ZMYND8: variants seen among roughly 807,000 people sequenced by gnomAD.
ZMYND8 encodes zinc finger MYND-type containing 8, also known as MYND-type zinc finger-containing chromatin reader ZMYND8.
A neutral mutation model predicts 140.8 loss-of-function variants in ZMYND8; 37 were observed. The observed-to-expected ratio is 0.26, with a 90% CI of 0.20 to 0.35. The LOEUF (loss-of-function observed/expected upper bound fraction) is 0.35, where lower values mean the gene tolerates loss of function less well. Among genes scored for constraint, ZMYND8 ranks in the 10% least tolerant of loss-of-function variants. ZMYND8 has a pLI of 1.00. For synonymous variants in ZMYND8, 592 were observed against 597.1 expected, an observed-to-expected ratio of 0.99 and a Z score of 0.12; for missense variants, 1,068 against 1,570.0, an observed-to-expected ratio of 0.68 and a Z score of 5.40.
At chr20:47,300,081 G>GGA (rs545340128) in intron 3 of ZMYND8, among the ~76,000 whole-genome samples, 85 of 152,190 alleles carry the variant, frequency 5.6e-4, no homozygotes, top group Middle Eastern at 6.8e-3. Flanking sequence ...GGTATATTAT[G>GGA]GAATATTATG....
intron 5 of ZMYND8, 53 bp from the exon 6 acceptor site, chr20:47,291,941 C>T (rs924727922): frequency 6.7e-6 from 10 of 1,493,810 alleles, no homozygotes; most frequent in Non-Finnish European, 9.2e-6. Context: ...TATGGAAAAC[C>T]AAGCATTAAT....
rs139825749 is a variant in ZMYND8 at position 47,219,835 on chromosome 20, T to A, written c.3484+423A>T. On this transcript the variant is annotated intron_variant, in intron 21 of 22. Transcript: ENST00000471951. ...TCATCCACTTAAGCACTGCCTTCAATTCTCAAAGGCTTGAGCGCCTTCATC... is the reference window on the plus strand; with the variant it reads ...TCATCCACTTAAGCACTGCCTTCAAATCTCAAAGGCTTGAGCGCCTTCATC... Among the ~76,000 whole-genome samples the A allele has an allele frequency of 7.1e-3, 1,082 of 152,288 alleles. 6 individuals are homozygous for A. Among genetic ancestry groups the A allele is most frequent in the Non-Finnish European group, 0.011 (754 of 68,028 alleles).
chr20:47,262,513 G>A (rs1346206339), intron 11 of ZMYND8, 85 bp from the exon 12 acceptor site: 1 of 1,548,238 alleles, frequency 6.5e-7, no homozygotes, highest in Non-Finnish European at 8.8e-7. Context: ...AGAATGGAGA[G>A]ATTATGAAAT....
At chr20:47,337,940 G>C (rs1321548975) in intron 2 of ZMYND8, among the ~76,000 whole-genome samples, 3 of 152,078 alleles carry the variant, frequency 2.0e-5, no homozygotes, top group Non-Finnish European at 4.4e-5. Flanking sequence ...AATTCAGTTA[G>C]AGAAACTGAA....
chr20:47,351,407 C>G (rs2082769751), intron 1 of ZMYND8, among the ~76,000 whole-genome samples: 1 of 152,132 alleles, frequency 6.6e-6, no homozygotes, highest in Non-Finnish European at 1.5e-5. Flanking sequence ...TCTAAGCCAT[C>G]TAGAATATAT....
rs2081903481 is a variant in ZMYND8, at chr20:47,341,699, T to C, written c.85+6157A>G. ...GCCTGGCCAACATAGTGAAACCCCA[T>C]CTCTACTAAAAATACAAAACTTGGC... On this transcript the variant is annotated intron_variant, in intron 2 of 22. Coordinates refer to ENST00000471951, the MANE Select transcript of ZMYND8 (RefSeq NM_001281775.3). Among the ~76,000 whole-genome samples, 5 of 151,134 alleles carry C rather than the reference T, an allele frequency of 3.3e-5. No individual in the cohort carries two copies. The South Asian group carries it at 1.0e-3, about 32-fold the overall frequency.
rs751384951 is a variant in ZMYND8 at position 47,209,594 on chromosome 20, AAAC to A, written c.*1164_*1166del. On this transcript the variant is annotated 3_prime_UTR_variant, in exon 23 of 23. Transcript: ENST00000471951. The stretch of plus-strand genomic sequence containing the variant: ...ATCCTCTTAACAATGAAGAGAAAGT[AAAC>A]AAGACTAAAATGTACAACAAAACGT... 1.1e-4 allele frequency: 17 copies of A among 152,470 alleles called. No individual in the cohort carries two copies. Among genetic ancestry groups the A allele is most frequent in the Non-Finnish European group, 1.8e-4 (12 of 68,046 alleles). The allele number at this position is 152,470 out of a possible 1,614,324, so 9.4% of individuals were successfully genotyped here.
chr20:47,249,153 T>G (rs923396889), intron 13 of ZMYND8, 134 bp downstream of exon 13: 1 of 1,082,430 alleles, frequency 9.2e-7, no homozygotes. Flanking sequence ...ATATTTTAGC[T>G]GAGCAAATAG....
Position 47,246,189 on chromosome 20 carries a change from A to G in ZMYND8, c.2103T>C (p.Pro701=). 2 of 1,614,054 alleles carry G rather than the reference A, an allele frequency of 1.2e-6. No individual in the cohort carries two copies. Among genetic ancestry groups the G allele is most frequent in the Middle Eastern group, 1.7e-4 (1 of 6,060 alleles). ...PEKDFSEKAK[P]SPHPIKDKLK... is the part of the protein sequence containing the mutation. ...GTTTATCCTTTATGGGGTGAGGTGAAGGTTTTGCCTTTTCGGAAAAGTCCT... is the reference window on the plus strand; with the variant it reads ...GTTTATCCTTTATGGGGTGAGGTGAGGGTTTTGCCTTTTCGGAAAAGTCCT... The change falls in exon 14 of 23, where the codon CCT becomes CCC. Residue 701 remains proline (P), a synonymous_variant. Transcript: ENST00000471951.
At chr20:47,243,548 A>T (rs2040212705) in intron 14 of ZMYND8, among the ~76,000 whole-genome samples, 1 of 152,184 alleles carries the variant, frequency 6.6e-6, no homozygotes, top group African/African-American at 2.4e-5. Flanking sequence ...TGTGTTTCCC[A>T]TTCTGCTTTC....
At chr20:47,222,092 C>A (rs534674119) in intron 19 of ZMYND8, among the ~76,000 whole-genome samples, 2 of 152,318 alleles carry the variant, frequency 1.3e-5, no homozygotes, top group Admixed American at 1.3e-4. Flanking sequence ...TTTAGTTACT[C>A]TATTTAGTCA....
chr20:47,347,766 G>A lies in ZMYND8; in HGVS notation c.85+90C>T, dbSNP rs2082450575. ...AGAAGAGTTACAACGTCGGCTCAGAGAGCCACACACTTCACTGCACTACAA... is the reference window on the plus strand; with the variant it reads ...AGAAGAGTTACAACGTCGGCTCAGAAAGCCACACACTTCACTGCACTACAA... On this transcript the variant is annotated intron_variant, in intron 2 of 22. Transcript: ENST00000471951. The A allele has an allele frequency of 3.1e-6, 4 of 1,305,424 alleles. No homozygotes were observed. The South Asian group carries it at 3.7e-5, about 12-fold the overall frequency. 80.9% of individuals were successfully genotyped at this position (1,305,424 alleles called of 1,614,324 possible).
In ZMYND8 at chr20:47,235,541, C is replaced by T. The variant is rs189378972; in HGVS notation, c.2856+785G>A. Among the ~76,000 whole-genome samples the T allele has an allele frequency of 3.9e-3, 597 of 152,104 alleles. 3 individuals are homozygous for T. Among genetic ancestry groups the T allele is most frequent in the African/African-American group, 0.014 (567 of 41,508 alleles). On this transcript the variant is annotated intron_variant, in intron 16 of 22. Coordinates refer to ENST00000471951, the MANE Select transcript of ZMYND8 (RefSeq NM_001281775.3). ...TCGACATGGCGAAACCCCATCTCTA[C>T]TAAAAAAATACAAAGATTAGCCAGG...
chr20:47,290,518 CATCTT>C (rs1019486583), intron 6 of ZMYND8, among the ~76,000 whole-genome samples: 57 of 151,000 alleles, frequency 3.8e-4, no homozygotes, highest in African/African-American at 1.3e-3. Context: ...GGAATTTTCT[CATCTT>C]ATAGTAGCTG....
At position 47,212,637 on chromosome 20, in the gene ZMYND8, C is replaced by T. The variant is rs2035451586; in HGVS notation, c.3568+5G>A. On this transcript the variant is annotated splice_donor_5th_base_variant and intron_variant, in intron 22 of 22. Coordinates refer to ENST00000471951, the MANE Select transcript of ZMYND8 (RefSeq NM_001281775.3). ...GCAGCTTTCGTAAGACAGGTTCATA[C>T]TTACACTTCTGGGCGGGGTAGTTGG... is the stretch of plus-strand genomic sequence containing the variant. 1.9e-6 allele frequency: 3 copies of T among 1,613,718 alleles called. No individual in the cohort carries two copies. The highest frequency in any genetic ancestry group is 3.3e-5 in the Admixed American group (2 of 59,978).
At chr20:47,211,170 T>A (rs2035194043) in intron 22 of ZMYND8, among the ~76,000 whole-genome samples, 1 of 152,238 alleles carries the variant, frequency 6.6e-6, no homozygotes, top group Admixed American at 6.5e-5. Context: ...GGTGCTGAAC[T>A]GCCAAGGAAG....
In ZMYND8 at chr20:47,257,112, G is replaced by A. The variant is rs77182315; in HGVS notation, c.1621+5176C>T. Among the ~76,000 whole-genome samples, 1,192 of 152,202 alleles carry A rather than the reference G, an allele frequency of 7.8e-3. 62 individuals are homozygous for A. The East Asian group carries it at 0.15, about 19-fold the overall frequency. ...CACTGCTGAGTCATACAGGGGGCTC[G>A]TAATAATCCACTGGGCTCAGCTCCT... is the stretch of plus-strand genomic sequence containing the variant. On this transcript the variant is annotated intron_variant, in intron 12 of 22. Transcript: ENST00000471951.
At chr20:47,278,073 A>C (rs766935034) in intron 10 of ZMYND8, among the ~76,000 whole-genome samples, 13 of 152,192 alleles carry the variant, frequency 8.5e-5, no homozygotes, top group Non-Finnish European at 1.9e-4. Context: ...CCTGGACTCA[A>C]GGAATCCTCC....
intron 1 of ZMYND8, chr20:47,349,123 C>T (rs1006361348): frequency 1.3e-5 from 2 of 152,184 alleles, no homozygotes; most frequent in African/African-American, 4.8e-5. Context: ...CCTCATGTCT[C>T]GAACCCTAGT....
Sources: gnomAD v4.1 joint callset for allele counts (sites outside exome capture counted in the v4.1 genomes callset) on GRCh38, gnomAD v4.1.1 for gene constraint, MANE v1.5 for transcripts, NCBI Gene and HGNC (gene_info 2026-07-23, HGNC 2026-07-21) for gene names.